The following PLCXD3 variants were observed in gnomAD, a reference collection of about 807,000 sequenced individuals.
PLCXD3 encodes the protein phosphatidylinositol specific phospholipase C X domain containing 3, also known as PI-PLC X domain-containing protein 3.
PLCXD3 carries 19 observed loss-of-function variants against 25.5 expected under a neutral mutation model. That is an observed-to-expected ratio of 0.75 (90% CI 0.52 to 1.09). The LOEUF (loss-of-function observed/expected upper bound fraction) is 1.09. Ranked by LOEUF, PLCXD3 falls within the 50% of genes least tolerant of loss-of-function variation. The pLI, the probability that PLCXD3 is intolerant of heterozygous loss-of-function variation, is 0.00. For synonymous variants in PLCXD3, 174 were observed against 137.6 expected (o/e 1.26, Z -1.85); for missense variants, 411 against 388.1 (o/e 1.06, Z -0.50).
intron 2 of PLCXD3, among the ~76,000 whole-genome samples, chr5:41,350,930 G>A (rs754748486): frequency 6.6e-6 from 1 of 151,944 alleles, no homozygotes; most frequent in Non-Finnish European, 1.5e-5. Context: ...TTTGTCTTCA[G>A]CTTGAGTAAA....
chr5:41,494,862 G>T (rs1748800370), intron 1 of PLCXD3, among the ~76,000 whole-genome samples: 1 of 152,158 alleles, frequency 6.6e-6, no homozygotes, highest in Non-Finnish European at 1.5e-5. Context: ...TCCTTAGATG[G>T]CAATAAAAGA....
intron 1 of PLCXD3, chr5:41,456,656 A>G (rs779253988): frequency 2.7e-6 from 1 of 376,840 alleles, no homozygotes; most frequent in Non-Finnish European, 3.7e-6. Context: ...GGGCCTTTGG[A>G]AGATGATTAG....
chr5:41,472,948 T>C (rs1003390823), intron 1 of PLCXD3, among the ~76,000 whole-genome samples: 1 of 152,232 alleles, frequency 6.6e-6, no homozygotes, highest in African/African-American at 2.4e-5. Context: ...AAACTCATGG[T>C]TGATTCAAAC....
rs577467344 is a variant in PLCXD3 at position 41,332,908 on chromosome 5, C to CCT, written c.813-19139_813-19138insAG. Among the ~76,000 whole-genome samples, 260 of 152,026 alleles carry CCT rather than the reference C, an allele frequency of 1.7e-3. 4 individuals carry two copies. The highest frequency in any genetic ancestry group is 0.016 in the South Asian group (79 of 4,798). On this transcript the variant is annotated intron_variant, in intron 2 of 2. Coordinates refer to ENST00000377801, the MANE Select transcript of PLCXD3 (RefSeq NM_001005473.3). ...GAACTGAACAGTGTGAACACATGGA[C>CCT]ACAGGAAGGGGAACATCACACTCTG...
intron 1 of PLCXD3, among the ~76,000 whole-genome samples, chr5:41,508,610 G>T (rs758515114): frequency 6.6e-5 from 10 of 152,226 alleles, no homozygotes; most frequent in Non-Finnish European, 1.5e-4. Context: ...AGAAATGTAA[G>T]GTAGACTCAA....
At chr5:41,333,412 G>A (rs1442860540) in intron 2 of PLCXD3, among the ~76,000 whole-genome samples, 1 of 152,132 alleles carries the variant, frequency 6.6e-6, no homozygotes, top group Non-Finnish European at 1.5e-5. Flanking sequence ...TGCCCAGAAG[G>A]TTAGTATTTC....
intron 1 of PLCXD3, among the ~76,000 whole-genome samples, chr5:41,444,355 T>A (rs1303313832): frequency 6.6e-6 from 1 of 152,158 alleles, no homozygotes; most frequent in African/African-American, 2.4e-5. Context: ...GCACTTCAAG[T>A]ACCAGAATAA....
In PLCXD3 at chr5:41,382,213, A is replaced by G; in HGVS notation, c.425T>C (p.Leu142Ser). ...CATCCCATAAAAGTGGTTGAAGTCC[A>G]AGAACACTACCTCCTTATGGTGATC... ...LTDHHKEVVF[L>S]DFNHFYGMQK... Residue 142 changes from leucine to serine, a missense_variant, in exon 2 of 3, where the codon TTG becomes TCG. By Grantham distance (145) the Leu-to-Ser change is moderately radical. Transcript: ENST00000377801. The G allele has an allele frequency of 1.2e-6, 2 of 1,613,790 alleles. No individual in the cohort carries two copies. Among genetic ancestry groups the G allele is most frequent in the Non-Finnish European group, 1.7e-6 (2 of 1,179,794 alleles).
At chr5:41,470,025 G>A (rs781405417) in intron 1 of PLCXD3, among the ~76,000 whole-genome samples, 1 of 152,276 alleles carries the variant, frequency 6.6e-6, no homozygotes, top group African/African-American at 2.4e-5. Flanking sequence ...CTCAACAAAA[G>A]CCTCTGAAGT....
intron 1 of PLCXD3, 52 bp downstream of exon 1, chr5:41,510,372 G>T (rs1005558541): frequency 8.9e-6 from 13 of 1,464,716 alleles, no homozygotes; most frequent in East Asian, 2.5e-5. Context: ...AAGCAGGGCG[G>T]GGCAGGTGGA....
At chr5:41,402,433 C>T (rs1355235887) in intron 1 of PLCXD3, among the ~76,000 whole-genome samples, 3 of 151,442 alleles carry the variant, frequency 2.0e-5, no homozygotes, top group Non-Finnish European at 4.4e-5. Context: ...TCATTTTTGT[C>T]AGAGAACATG....
At chr5:41,430,495 GAGATC>G (rs1333215719) in intron 1 of PLCXD3, among the ~76,000 whole-genome samples, 1 of 152,272 alleles carries the variant, frequency 6.6e-6, no homozygotes, top group East Asian at 1.9e-4. Context: ...ATCTTCTTCT[GAGATC>G]AGGGCTTAAT....
chr5:41,450,448 G>T (rs535474162), intron 1 of PLCXD3, among the ~76,000 whole-genome samples: 1 of 152,122 alleles, frequency 6.6e-6, no homozygotes, highest in Non-Finnish European at 1.5e-5. Flanking sequence ...TTCATCAATA[G>T]TTTAAGGATG....
rs189313913 is a variant in PLCXD3 at position 41,407,124 on chromosome 5, C to T, written c.104-24590G>A. On this transcript the variant is annotated intron_variant, in intron 1 of 2. Coordinates refer to ENST00000377801, the MANE Select transcript of PLCXD3 (RefSeq NM_001005473.3). ...TTATATCAAATCCCTAAGCATGGCC[C>T]TTTGTGTGGACTCTGGCCTTGAGAG... Among the ~76,000 whole-genome samples, 22 of 151,792 alleles carry T rather than the reference C, an allele frequency of 1.4e-4. No homozygotes were observed. The East Asian group carries it at 4.3e-3, about 29-fold the overall frequency.
intron 2 of PLCXD3, among the ~76,000 whole-genome samples, chr5:41,337,064 C>T (rs570823042): frequency 6.6e-6 from 1 of 152,266 alleles, no homozygotes; most frequent in Non-Finnish European, 1.5e-5. Context: ...ATTACAACTA[C>T]ATTTTCATTT....
intron 2 of PLCXD3, among the ~76,000 whole-genome samples, chr5:41,361,952 C>T (rs2150485369): frequency 6.6e-6 from 1 of 152,238 alleles, no homozygotes. Flanking sequence ...GGCAGGCCAC[C>T]AACTAGACCA....
At chr5:41,360,956 A>G (rs1449873162) in intron 2 of PLCXD3, among the ~76,000 whole-genome samples, 1 of 152,150 alleles carries the variant, frequency 6.6e-6, no homozygotes, top group Non-Finnish European at 1.5e-5. Flanking sequence ...GGGAAGGGCT[A>G]TAGAGCTCCT....
rs117231200 is a variant in PLCXD3, at chr5:41,367,287, C to T, written c.812+14539G>A. On this transcript the variant is annotated intron_variant, in intron 2 of 2. Transcript: ENST00000377801. ...TAAAGGTGTTCCTATTTCTCCACAG[C>T]CTCGCCCGTGTCTATTGTTTCTTGA... is the stretch of plus-strand genomic sequence containing the variant. Among the ~76,000 whole-genome samples, 553 of 152,302 alleles carry T rather than the reference C, an allele frequency of 3.6e-3. 13 individuals carry two copies. The East Asian group carries it at 0.079, about 22-fold the overall frequency.
At position 41,312,296 on chromosome 5, in the gene PLCXD3, T is replaced by G. The variant is rs2150466120; in HGVS notation, c.*1321A>C. The G allele has an allele frequency of 6.6e-6, 1 of 152,646 alleles. No homozygotes were observed. Among genetic ancestry groups the G allele is most frequent in the Non-Finnish European group, 1.5e-5 (1 of 68,016 alleles). The allele number at this position is 152,646 out of a possible 1,614,324, so 9.5% of individuals were successfully genotyped here. A position where few individuals can be genotyped will look rare whatever the true frequency, so the allele number is the denominator to read the frequency against. On this transcript the variant is annotated 3_prime_UTR_variant, in exon 3 of 3. Transcript: ENST00000377801. Reference sequence around the variant, plus strand: ...CAGAAGTGAGGAGTCAGAGCCAATTTTAAACAAGTCCATTCAGACCTCATA... The same window carrying G: ...CAGAAGTGAGGAGTCAGAGCCAATTGTAAACAAGTCCATTCAGACCTCATA...
Sources: gnomAD v4.1 joint callset for allele counts (sites outside exome capture counted in the v4.1 genomes callset) on GRCh38, gnomAD v4.1.1 for gene constraint, MANE v1.5 for transcripts, NCBI Gene and HGNC (gene_info 2026-07-23, HGNC 2026-07-21) for gene names.